RPL3: variants seen among roughly 807,000 people sequenced by gnomAD.
RPL3 encodes the protein large ribosomal subunit protein uL3.
RPL3 carries 3 observed loss-of-function variants against 46.0 expected under a neutral mutation model. The ratio of observed to expected loss-of-function variants is 0.07; its 90% CI spans 0.03 to 0.17. RPL3 has a LOEUF of 0.17. Among genes scored for constraint, RPL3 ranks in the 10% least tolerant of loss-of-function variants. The pLI, the probability that RPL3 is intolerant of heterozygous loss-of-function variation, is 1.00. For missense variants in RPL3, 387 were observed against 532.7 expected, an observed-to-expected ratio of 0.73 and a Z score of 2.69; for synonymous variants, 224 against 190.8, an observed-to-expected ratio of 1.17 and a Z score of -1.43.
chr22:39,317,296 T>C (rs2146517663), intron 3 of RPL3, 165 bp downstream of exon 3: 1 of 788,570 alleles, frequency 1.3e-6, no homozygotes, highest in Non-Finnish European at 2.0e-6. Context: ...TGAAACCAGA[T>C]GGCTGGCCAA....
chr22:39,312,887 G>A lies in RPL3; in HGVS notation c.*53C>T, dbSNP rs1178442485. Reference sequence around the variant, plus strand: ...TCCTGAAGAAAGAGGCAAGATGTCAGTGGAAAATAACTTTTATTGAGACCC... The same window carrying A: ...TCCTGAAGAAAGAGGCAAGATGTCAATGGAAAATAACTTTTATTGAGACCC... On this transcript the variant is annotated 3_prime_UTR_variant, in exon 10 of 10. Transcript: ENST00000216146. 6.2e-7 allele frequency: 1 copy of A among 1,608,096 alleles called. No individual in the cohort carries two copies. Among genetic ancestry groups the A allele is most frequent in the African/African-American group, 1.3e-5 (1 of 74,852 alleles).
At chr22:39,316,955 T>C (rs1413449032) in intron 3 of RPL3, 114 bp from the exon 4 acceptor site, 1 of 1,542,250 alleles carries the variant, frequency 6.5e-7, no homozygotes, top group African/African-American at 1.4e-5. Flanking sequence ...CATTGCCGGC[T>C]TCTAAGGAGC....
At chr22:39,313,169 G>A (rs1237290514) in intron 9 of RPL3, 22 bp downstream of exon 9, 55 of 1,606,204 alleles carry the variant, frequency 3.4e-5, no homozygotes, top group Non-Finnish European at 4.5e-5. Flanking sequence ...ACCCAGCGAG[G>A]GGGGCAGGCA....
intron 6 of RPL3, 85 bp from the exon 7 acceptor site, chr22:39,314,293 AG>A: frequency 8.4e-7 from 1 of 1,189,846 alleles, no homozygotes; most frequent in South Asian, 1.2e-5. Flanking sequence ...AAAGCACGCT[AG>A]AAGGCAGCTG....
intron 4 of RPL3, 71 bp downstream of exon 4, chr22:39,316,635 G>A (rs910965531): frequency 1.1e-5 from 17 of 1,595,724 alleles, no homozygotes; most frequent in African/African-American, 4.0e-5. Flanking sequence ...GTGCGGGCAC[G>A]GGACCCCCAT....
chr22:39,313,603 C>A (rs752032323), intron 8 of RPL3, 31 bp downstream of exon 8: 1 of 1,593,736 alleles, frequency 6.3e-7, no homozygotes. Flanking sequence ...TCTACAAGAG[C>A]CCCCCCATGA....
chr22:39,317,208 A>C, intron 3 of RPL3: 1 of 572,840 alleles, frequency 1.7e-6, no homozygotes. Context: ...CCTGGTTTCT[A>C]GTTGGACTCC....
chr22:39,317,335 G>T, intron 3 of RPL3, 126 bp downstream of exon 3: 2 of 1,119,070 alleles, frequency 1.8e-6, no homozygotes, highest in Non-Finnish European at 2.5e-6. Context: ...TTCTGTTCGA[G>T]AGGCAAACTA....
At chr22:39,318,155 A>G (rs1056832978) in intron 2 of RPL3, 3 of 487,742 alleles carry the variant, frequency 6.2e-6, no homozygotes, top group African/African-American at 6.0e-5. Context: ...GTTCCTGGCA[A>G]ATTTACTATG....
intron 2 of RPL3, 181 bp from the exon 3 acceptor site, chr22:39,317,810 A>C: frequency 1.6e-6 from 1 of 632,310 alleles, no homozygotes; most frequent in Non-Finnish European, 2.7e-6. Context: ...TATGTTATTC[A>C]AACAAAAAAT....
chr22:39,313,018 G>A lies in RPL3; in HGVS notation c.1168-34C>T, dbSNP rs767574353. The A allele has an allele frequency of 4.3e-6, 7 of 1,613,848 alleles. No individual in the cohort carries two copies. In the South Asian group the frequency reaches 4.4e-5, roughly 10 times the overall value. On this transcript the variant is annotated intron_variant, in intron 9 of 9. Transcript: ENST00000216146. ...AGAGAGGCAGTGGTCAGAGGTAGAA[G>A]ATGACAGGTGACAGCAGATGCCCAC... is the stretch of plus-strand genomic sequence containing the variant.
intron 3 of RPL3, 188 bp from the exon 4 acceptor site, chr22:39,317,029 G>A (rs1225254800): frequency 6.1e-6 from 5 of 813,522 alleles, no homozygotes; most frequent in Non-Finnish European, 1.0e-5. Context: ...GAGCTGAGCA[G>A]AGGTCCACAA....
chr22:39,314,563 G>A, intron 6 of RPL3, 123 bp downstream of exon 6: 2 of 1,176,236 alleles, frequency 1.7e-6, no homozygotes, highest in Non-Finnish European at 2.4e-6. Context: ...TGAGAAGCAA[G>A]CCACTGATGT....
chr22:39,318,140 C>A (rs947277630), intron 2 of RPL3: 14 of 465,764 alleles, frequency 3.0e-5, no homozygotes, highest in African/African-American at 2.6e-4. Flanking sequence ...CTTCTCTTTG[C>A]TAAGGTTCCT....
rs1407747908 is a variant in RPL3, at chr22:39,315,265, G to A, written c.688+104C>T. On this transcript the variant is annotated intron_variant, in intron 5 of 9. Coordinates refer to ENST00000216146, the MANE Select transcript of RPL3 (RefSeq NM_000967.4). Reference sequence around the variant, plus strand: ...AATGGTTCTACACTGTCCGATTCGGGCGCTGTACCCAGCGCTCACTCTGAG... The same window carrying A: ...AATGGTTCTACACTGTCCGATTCGGACGCTGTACCCAGCGCTCACTCTGAG... 2.7e-6 allele frequency: 4 copies of A among 1,460,100 alleles called. No homozygotes were observed. In the Admixed American group the frequency reaches 6.7e-5, roughly 24 times the overall value. The allele number at this position is 1,460,100 out of a possible 1,614,324, so 90.4% of individuals were successfully genotyped here.
Position 39,313,299 on chromosome 22 carries a change from C to T in RPL3, c.1059G>A (p.Val353=), listed in dbSNP as rs1331280251. The T allele has an allele frequency of 3.7e-6, 6 of 1,613,940 alleles. No homozygotes were observed. The highest frequency in any genetic ancestry group is 5.1e-6 in the Non-Finnish European group (6 of 1,179,944). ...TCTCCAGAGCCCGCCGCTTCGTCTG[C>T]ACCAGCAAGGACTATGGGCCAAGAG... ...RVLTLRKSLL[V]QTKRRALEKI... Residue 353 remains valine (V), a synonymous_variant, in exon 9 of 10, where the codon GTG becomes GTA. Coordinates refer to ENST00000216146, the MANE Select transcript of RPL3 (RefSeq NM_000967.4).
intron 1 of RPL3, 26 bp downstream of exon 1, chr22:39,319,569 G>A (rs1013067878): frequency 1.9e-6 from 3 of 1,563,888 alleles, no homozygotes; most frequent in African/African-American, 1.4e-5. Flanking sequence ...CGGTGACAAT[G>A]AAACGGCCGC....
chr22:39,318,471 T>C lies in RPL3; in HGVS notation c.125A>G (p.His42Arg), dbSNP rs11547990. 1 of 1,613,930 alleles carries C rather than the reference T, an allele frequency of 6.2e-7. No homozygotes were observed. The highest frequency in any genetic ancestry group is 8.5e-7 in the Non-Finnish European group (1 of 1,179,952). The change falls in exon 2 of 10, where the codon CAC (histidine) becomes CGC (arginine). Residue 42 changes from histidine to arginine, a missense_variant. Transcript: ENST00000216146. ...CTTGTATCCCAGGAAGGCTGTGAGG[T>C]GGACCGGCTTGGACGGGTCATCCTT... is the stretch of plus-strand genomic sequence containing the variant. Reference protein sequence around the residue: ...FPKDDPSKPVHLTAFLGYKAG... With the variant: ...FPKDDPSKPVRLTAFLGYKAG...
At position 39,316,871 on chromosome 22, in the gene RPL3, G is replaced by C. The variant is rs372454101; in HGVS notation, c.366-30C>G. The C allele has an allele frequency of 6.4e-5, 104 of 1,613,278 alleles. 1 individual carries two copies. In the African/African-American group the frequency reaches 1.2e-3, roughly 19 times the overall value. The stretch of plus-strand genomic sequence containing the variant: ...AGGAGCAGAGCAGAGTTGGGGAGGG[G>C]ACCAGGTGCAGGCCTTCATCACCCC... On this transcript the variant is annotated intron_variant, in intron 3 of 9. Transcript: ENST00000216146.
Sources: gnomAD v4.1 joint callset for allele counts on GRCh38, gnomAD v4.1.1 for gene constraint, MANE v1.5 for transcripts, NCBI Gene and HGNC (gene_info 2026-07-23, HGNC 2026-07-21) for gene names.